The following TOPORS variants were observed in gnomAD, a reference collection of about 807,000 sequenced individuals.
TOPORS encodes the protein E3 ubiquitin-protein ligase Topors.
Under a neutral mutation model 81.4 loss-of-function variants are expected in TOPORS, and 25 were observed. The observed-to-expected ratio is 0.31, with a 90% CI of 0.22 to 0.43. TOPORS has a LOEUF of 0.43. TOPORS is among the 20% of genes least tolerant of loss of function. The pLI, the probability that TOPORS is intolerant of heterozygous loss-of-function variation, is 1.00. For synonymous variants in TOPORS, 473 were observed against 456.6 expected (o/e 1.04, Z -0.46); for missense variants, 1,101 against 1,267.0 (o/e 0.87, Z 1.99).
Position 32,541,457 on chromosome 9 carries a change from G to GAA in TOPORS, c.3067_3068insTT (p.Ser1023PhefsTer12). 1.2e-6 allele frequency: 2 copies of GAA among 1,614,176 alleles called. No homozygotes were observed. Among genetic ancestry groups the GAA allele is most frequent in the Admixed American group, 1.7e-5 (1 of 60,016 alleles). ...TGTCCGTGGCGATGGCAATTGCCTT[G>GAA]ATGGCTCAGTTTGAAGAGACACAAT... On this transcript the variant is annotated frameshift_variant, in exon 3 of 3. Transcript: ENST00000360538. LOFTEE classifies it high-confidence loss of function.
rs1282665142 is a variant in TOPORS, at chr9:32,543,297, T to C, written c.1228A>G (p.Thr410Ala). 1.2e-6 allele frequency: 2 copies of C among 1,613,932 alleles called. No individual in the cohort carries two copies. Among genetic ancestry groups the C allele is most frequent in the African/African-American group, 2.7e-5 (2 of 74,904 alleles). ...TCATCCCATGGTGCCTGACTAACAG[T>C]GGCTACATTAATATCCAGCTCTTGG... ...ETQELDINVA[T>A]VSQAPWDDET... The change falls in exon 3 of 3, where the codon ACT becomes GCT. Residue 410 changes from threonine to alanine, a missense_variant. By Grantham distance (58) the Thr-to-Ala change is moderately conservative. Coordinates refer to ENST00000360538, the MANE Select transcript of TOPORS (RefSeq NM_005802.5). The surrounding 1 kb of genome is among the most constrained non-coding windows in gnomAD (Gnocchi z 5.6).
chr9:32,545,197 T>A (rs1289176399), intron 2 of TOPORS, among the ~76,000 whole-genome samples: 1 of 152,172 alleles, frequency 6.6e-6, no homozygotes, highest in Non-Finnish European at 1.5e-5. Context: ...TATATTCAGT[T>A]AATCACTCAT....
At chr9:32,549,176 G>C (rs1386987300) in intron 2 of TOPORS, among the ~76,000 whole-genome samples, 1 of 152,066 alleles carries the variant, frequency 6.6e-6, no homozygotes, top group Non-Finnish European at 1.5e-5. Context: ...GCGTAGCGAC[G>C]GGCGCCTGTA....
rs775755946 is a variant in TOPORS, at chr9:32,545,489, C to T, written c.199-1163G>A. ...ATATTGACTATTGGGGAGTCAGGCG[C>T]GGTGGCTCATGCCTGTAATCCAGCA... On this transcript the variant is annotated intron_variant, in intron 2 of 2. Transcript: ENST00000360538. Among the ~76,000 whole-genome samples the T allele has an allele frequency of 5.3e-5, 8 of 151,526 alleles. No individual in the cohort carries two copies. In the South Asian group the frequency reaches 1.0e-3, roughly 20 times the overall value.
At chr9:32,544,478 T>A in intron 2 of TOPORS, 152 bp from the exon 3 acceptor site, 1 of 765,028 alleles carries the variant, frequency 1.3e-6, no homozygotes, top group South Asian at 1.8e-5. Flanking sequence ...AGGGGCACTG[T>A]AGCATAGTAA....
chr9:32,550,989 C>T (rs1432073564), intron 1 of TOPORS, 21 bp from the exon 2 acceptor site: 3 of 1,607,512 alleles, frequency 1.9e-6, no homozygotes, highest in Middle Eastern at 1.7e-4. Context: ...AAGGGCTCAT[C>T]ACCAATGGCA....
Position 32,546,474 on chromosome 9 carries a change from C to G in TOPORS, c.199-2148G>C, listed in dbSNP as rs144513038. Among the ~76,000 whole-genome samples the G allele has an allele frequency of 6.0e-3, 917 of 152,280 alleles. 10 individuals carry two copies. Among genetic ancestry groups the G allele is most frequent in the African/African-American group, 0.021 (862 of 41,554 alleles). On this transcript the variant is annotated intron_variant, in intron 2 of 2. Transcript: ENST00000360538. Reference sequence around the variant, plus strand: ...TTAATGTGAAGAAAACCACATTACTCTAGACTTTAGTTTTCTCCTCTATAT... The same window carrying G: ...TTAATGTGAAGAAAACCACATTACTGTAGACTTTAGTTTTCTCCTCTATAT...
chr9:32,550,678 C>G (rs1821222996), intron 2 of TOPORS, 96 bp downstream of exon 2: 2 of 1,462,520 alleles, frequency 1.4e-6, no homozygotes, highest in Middle Eastern at 1.8e-4. Context: ...AGGCCATGAC[C>G]GCAACCCTCG....
chr9:32,543,977 G>C lies in TOPORS; in HGVS notation c.548C>G (p.Thr183Ser), dbSNP rs1328288250. 6.2e-7 allele frequency: 1 copy of C among 1,614,154 alleles called. No homozygotes were observed. Among genetic ancestry groups the C allele is most frequent in the South Asian group, 1.1e-5 (1 of 91,072 alleles). Reference sequence around the variant, plus strand: ...AGAAGCATTTCGTTCCCTTGTCAGAGTTGTACGGTAGCGAAATCGTCGATC... The same window carrying C: ...AGAAGCATTTCGTTCCCTTGTCAGACTTGTACGGTAGCGAAATCGTCGATC... Reference protein sequence around the residue: ...TPDRRFRYRTTLTRERNASVY... With the variant: ...TPDRRFRYRTSLTRERNASVY... Residue 183 changes from threonine (T) to serine (S), a missense_variant, in exon 3 of 3, where the codon ACT (threonine) becomes AGT (serine). Physicochemically the swap from Thr to Ser is moderately conservative, Grantham distance 58. Transcript: ENST00000360538. This position sits in a 1 kb window ranked among gnomAD's most constrained non-coding sequence, Gnocchi z 5.6.
At chr9:32,548,071 C>G (rs543327494) in intron 2 of TOPORS, among the ~76,000 whole-genome samples, 1 of 141,364 alleles carries the variant, frequency 7.1e-6, no homozygotes, top group Non-Finnish European at 1.5e-5. Flanking sequence ...AGGATGGTCT[C>G]GATCTCCTGA....
chr9:32,551,105 G>A (rs1441100275), intron 1 of TOPORS, 137 bp from the exon 2 acceptor site: 3 of 1,128,984 alleles, frequency 2.7e-6, no homozygotes, highest in Non-Finnish European at 3.8e-6. Flanking sequence ...CCGGCCTCGG[G>A]GGCGGGGCTC....
At position 32,543,424 on chromosome 9, in the gene TOPORS, G is replaced by C; in HGVS notation, c.1101C>G (p.Ala367=). ...SFARSPFNMA[A]FDQHANYDCP... ...AATCATAATTGGCATGCTGGTCAAA[G>C]GCTGCCATGTTAAAAGGAGATCGGG... The change falls in exon 3 of 3, where the codon GCC becomes GCG. Residue 367 remains alanine, a synonymous_variant. Coordinates refer to ENST00000360538, the MANE Select transcript of TOPORS (RefSeq NM_005802.5). This position sits in a 1 kb window ranked among gnomAD's most constrained non-coding sequence, Gnocchi z 5.6. The C allele has an allele frequency of 6.2e-7, 1 of 1,613,834 alleles. No individual in the cohort carries two copies. The highest frequency in any genetic ancestry group is 1.6e-4 in the Middle Eastern group (1 of 6,062).
Position 32,552,263 on chromosome 9 carries a change from GCC to G in TOPORS, c.3+169_3+170del, listed in dbSNP as rs771741214. 2.7e-5 allele frequency: 23 copies of G among 853,092 alleles called. No homozygotes were observed. The South Asian group carries it at 3.3e-4, about 12-fold the overall frequency. 52.8% of individuals were successfully genotyped at this position (853,092 alleles called of 1,614,324 possible). A position where few individuals can be genotyped will look rare whatever the true frequency, so the allele number is the denominator to read the frequency against. The stretch of plus-strand genomic sequence containing the variant: ...GCAAGGCCCCCGATCACGTGATACC[GCC>G]CCCCAACTCCGGGCGGAAGAGGCCA... On this transcript the variant is annotated intron_variant, in intron 1 of 2. Transcript: ENST00000360538.
At position 32,548,252 on chromosome 9, in the gene TOPORS, G is replaced by T. The variant is rs185673749; in HGVS notation, c.198+2522C>A. On this transcript the variant is annotated intron_variant, in intron 2 of 2. Coordinates refer to ENST00000360538, the MANE Select transcript of TOPORS (RefSeq NM_005802.5). ...AGTGGTTGATTTGCTGGCCGGGCGC[G>T]GTGGCTCACGCCTGTAATCTCAACA... 5.0e-3 allele frequency among the ~76,000 whole-genome samples: 754 copies of T among 151,620 alleles called. 5 individuals are homozygous for T. The highest frequency in any genetic ancestry group is 0.017 in the African/African-American group (716 of 41,420).
At chr9:32,551,774 A>G (rs1821270021) in intron 1 of TOPORS, 1 of 451,202 alleles carries the variant, frequency 2.2e-6, no homozygotes, top group Admixed American at 2.4e-5. Flanking sequence ...CACGCTCAAC[A>G]AACACTTGTT....
chr9:32,551,757 C>G (rs538781937), intron 1 of TOPORS: 1 of 447,714 alleles, frequency 2.2e-6, no homozygotes, highest in Non-Finnish European at 4.5e-6. Context: ...AGTTCAAGAA[C>G]ATCAGACACG....
rs1587620098 is a variant in TOPORS, at chr9:32,541,320, A to G, written c.*67T>C. 1 of 1,457,078 alleles carries G rather than the reference A, an allele frequency of 6.9e-7. No homozygotes were observed. The highest frequency in any genetic ancestry group is 2.3e-5 in the East Asian group (1 of 43,564). The allele number at this position is 1,457,078 out of a possible 1,614,324, so 90.3% of individuals were successfully genotyped here. ...CAAATGTCATCTTTAAATAGACTGC[A>G]GTAGACGACATTCTTCCTTTTTCCT... On this transcript the variant is annotated 3_prime_UTR_variant, in exon 3 of 3. Transcript: ENST00000360538.
In TOPORS at chr9:32,543,031, G is replaced by C. The variant is rs375691641; in HGVS notation, c.1494C>G (p.Ser498=). The change falls in exon 3 of 3, where the codon TCC becomes TCG. Residue 498 remains serine (S), a synonymous_variant. Coordinates refer to ENST00000360538, the MANE Select transcript of TOPORS (RefSeq NM_005802.5). The surrounding 1 kb of genome is among the most constrained non-coding windows in gnomAD (Gnocchi z 5.6). ...AERTPELVEL[S]SDSEDLGSYE... Reference sequence around the variant, plus strand: ...AAGAACCTAAGTCCTCAGAATCAGAGGACAGTTCAACAAGTTCTGGGGTCC... The same window carrying C: ...AAGAACCTAAGTCCTCAGAATCAGACGACAGTTCAACAAGTTCTGGGGTCC... 8 of 1,614,002 alleles carry C rather than the reference G, an allele frequency of 5.0e-6. No individual in the cohort carries two copies. In the African/African-American group the frequency reaches 8.0e-5, roughly 16 times the overall value.
rs140007254 is a variant in TOPORS, at chr9:32,542,805, G to C, written c.1720C>G (p.Leu574Val). Residue 574 changes from leucine to valine, a missense_variant, in exon 3 of 3, where the codon CTG becomes GTG. Physicochemically the swap from Leu to Val is conservative, Grantham distance 32. Transcript: ENST00000360538. Reference protein sequence around the residue: ...RSTSLSSPRNLNSSVRGDRVY... With the variant: ...RSTSLSSPRNVNSSVRGDRVY... ...CTGTCTCCTCTTACAGATGAGTTCA[G>C]GTTTCTGGGAGATGACAATGATGTA... The C allele has an allele frequency of 1.3e-4, 216 of 1,613,954 alleles. No homozygotes were observed. The African/African-American group carries it at 2.7e-3, about 20-fold the overall frequency.
Sources: gnomAD v4.1 joint callset for allele counts (sites outside exome capture counted in the v4.1 genomes callset) on GRCh38, gnomAD v4.1.1 for gene constraint, Gnocchi (gnomAD v3.1) non-coding constraint, MANE v1.5 for transcripts, NCBI Gene and HGNC (gene_info 2026-07-23, HGNC 2026-07-21) for gene names.